The following SETD2 variants were observed in gnomAD, a reference collection of about 807,000 sequenced individuals.
The protein encoded by SETD2 is SET domain containing 2, histone lysine methyltransferase.
In SETD2, 31 loss-of-function variants were observed where a neutral mutation model predicts 242.1. That is an observed-to-expected ratio of 0.13 (90% CI 0.10 to 0.17). The LOEUF is 0.17. Among genes scored for constraint, SETD2 ranks in the 10% least tolerant of loss-of-function variants. The pLI is 1.00. For synonymous variants in SETD2, 1,006 were observed against 1,066.5 expected, an observed-to-expected ratio of 0.94 and a Z score of 1.11; for missense variants, 2,481 against 3,046.3, an observed-to-expected ratio of 0.81 and a Z score of 4.37.
At chr3:47,146,015 CAAA>C (rs1171574770) in intron 1 of SETD2, among the ~76,000 whole-genome samples, 2 of 38,676 alleles carry the variant, frequency 5.2e-5, no homozygotes, top group East Asian at 9.8e-4. Context: ...GACCCTGTCT[CAAA>C]AAAAAAAAAA....
intron 1 of SETD2, chr3:47,127,626 C>T (rs974479012): frequency 1.4e-5 from 6 of 415,964 alleles, no homozygotes; most frequent in African/African-American, 1.0e-4. Flanking sequence ...CTTTGGGAGG[C>T]CGAGGTGGGC....
chr3:47,039,309 G>T (rs955241325), intron 17 of SETD2, among the ~76,000 whole-genome samples: 1 of 151,844 alleles, frequency 6.6e-6, no homozygotes, highest in African/African-American at 2.4e-5. Context: ...CTGCCTCCTG[G>T]GTTCAAGTGA....
intron 11 of SETD2, among the ~76,000 whole-genome samples, chr3:47,085,340 A>C (rs1194296262): frequency 2.0e-5 from 3 of 152,216 alleles, no homozygotes; most frequent in Non-Finnish European, 4.4e-5. Flanking sequence ...TGTGATATAC[A>C]CTTAGCAGCT....
In SETD2 at chr3:47,122,305, T is replaced by A. The variant is rs1433046877; in HGVS notation, c.2331A>T (p.Glu777Asp). Residue 777 changes from glutamate to aspartate, a missense_variant, in exon 3 of 21, where the codon GAA becomes GAT. Physicochemically the swap from Glu to Asp is conservative, Grantham distance 45. Coordinates refer to ENST00000409792, the MANE Select transcript of SETD2 (RefSeq NM_014159.7). ...AGCAAGAAACCCTCGTATCAACTGG[T>A]TCTTTAACTACTGTTTTGGAATAAT... ...TVDYSKTVVK[E>D]PVDTRVSCCK... is the part of the protein sequence containing the mutation. 6.2e-7 allele frequency: 1 copy of A among 1,614,196 alleles called. No individual in the cohort carries two copies. The highest frequency in any genetic ancestry group is 8.5e-7 in the Non-Finnish European group (1 of 1,180,012).
chr3:47,028,221 T>C (rs1213914706), intron 18 of SETD2, among the ~76,000 whole-genome samples: 1 of 152,162 alleles, frequency 6.6e-6, no homozygotes, highest in African/African-American at 2.4e-5. Context: ...GTAAGCCCTA[T>C]GATTACCTTG....
rs2039327617 is a variant in SETD2, at chr3:47,042,504, G to A, written c.7238+57C>T. 8 of 1,582,080 alleles carry A rather than the reference G, an allele frequency of 5.1e-6. No homozygotes were observed. In the Admixed American group the frequency reaches 1.0e-4, roughly 20 times the overall value. On this transcript the variant is annotated intron_variant, in intron 17 of 20. Coordinates refer to ENST00000409792, the MANE Select transcript of SETD2 (RefSeq NM_014159.7). The stretch of plus-strand genomic sequence containing the variant: ...CAACTGTAAAACTCCCCTTATAGTG[G>A]CAACTTCTTTGATTAAGTAAAAGCA...
intron 1 of SETD2, among the ~76,000 whole-genome samples, chr3:47,139,462 A>G (rs1224496961): frequency 6.6e-6 from 1 of 152,204 alleles, no homozygotes; most frequent in Non-Finnish European, 1.5e-5. Flanking sequence ...TTTAAATTTC[A>G]AAGAGACAAA....
At chr3:47,156,069 C>T (rs930926399) in intron 1 of SETD2, among the ~76,000 whole-genome samples, 1 of 152,084 alleles carries the variant, frequency 6.6e-6, no homozygotes, top group African/African-American at 2.4e-5. Context: ...AGCCTCTTAA[C>T]CAGGATAGGT....
chr3:47,155,987 G>A (rs974281046), intron 1 of SETD2, among the ~76,000 whole-genome samples: 2 of 152,054 alleles, frequency 1.3e-5, no homozygotes, highest in Non-Finnish European at 2.9e-5. Context: ...CGGTACTCTT[G>A]GAAGAATTAA....
At chr3:47,105,953 A>G in intron 6 of SETD2, 44 bp downstream of exon 6, 2 of 1,585,098 alleles carry the variant, frequency 1.3e-6, no homozygotes, top group Non-Finnish European at 1.7e-6. Context: ...GCTCCTTCAA[A>G]CCTAACAGAT....
At chr3:47,125,377 C>A (rs553966316) in intron 2 of SETD2, among the ~76,000 whole-genome samples, 103 of 151,706 alleles carry the variant, frequency 6.8e-4, no homozygotes, top group African/African-American at 2.4e-3. Context: ...GATCCACACT[C>A]TAGGAAATAT....
chr3:47,074,213 C>T (rs984966446), intron 12 of SETD2, among the ~76,000 whole-genome samples: 5 of 151,926 alleles, frequency 3.3e-5, no homozygotes, highest in African/African-American at 1.2e-4. Flanking sequence ...AATAATGCTG[C>T]CAATTTTATT....
At chr3:47,041,526 T>A in intron 17 of SETD2, 1 of 264,024 alleles carries the variant, frequency 3.8e-6, no homozygotes, top group Non-Finnish European at 7.6e-6. Context: ...AAAAATTCCA[T>A]AGTTCTATGT....
rs781353443 is a variant in SETD2, at chr3:47,021,619, T to TAC, written c.7351-1781_7351-1780dup. Among the ~76,000 whole-genome samples, 10 of 152,146 alleles carry TAC rather than the reference T, an allele frequency of 6.6e-5. 1 individual carries two copies. The highest frequency in any genetic ancestry group is 1.5e-4 in the Non-Finnish European group (10 of 68,026). ...TGATAAAATGAGGGGTCCCCAGACT[T>TAC]ACATCATGGAAATCATGAACCAAAA... On this transcript the variant is annotated intron_variant, in intron 18 of 20. Transcript: ENST00000409792.
Position 47,017,388 on chromosome 3 carries a change from A to AG in SETD2, c.7534-135dup. 1 of 953,258 alleles carries AG rather than the reference A, an allele frequency of 1.0e-6. No individual in the cohort carries two copies. Among genetic ancestry groups the AG allele is most frequent in the Non-Finnish European group, 1.6e-6 (1 of 643,840 alleles). The allele number at this position is 953,258 out of a possible 1,614,324, so 59.0% of individuals were successfully genotyped here. ...CAAGACAGGAAGTTAATAAGGGGGT[A>AG]GATGTTGGGGCAGGCTGGTGCTATG... On this transcript the variant is annotated intron_variant, in intron 20 of 20. Coordinates refer to ENST00000409792, the MANE Select transcript of SETD2 (RefSeq NM_014159.7). This position sits in a 1 kb window ranked among gnomAD's most constrained non-coding sequence, Gnocchi z 4.8.
intron 1 of SETD2, among the ~76,000 whole-genome samples, chr3:47,129,898 AAG>A (rs1345633619): frequency 6.6e-6 from 1 of 152,022 alleles, no homozygotes; most frequent in Non-Finnish European, 1.5e-5. Flanking sequence ...AAAAAGAAAA[AAG>A]AAAAGAAAAA....
At chr3:47,068,754 C>T (rs1423189414) in intron 12 of SETD2, among the ~76,000 whole-genome samples, 2 of 152,122 alleles carry the variant, frequency 1.3e-5, no homozygotes, top group Non-Finnish European at 2.9e-5. Flanking sequence ...CCTGGCCTCC[C>T]AAAGTGCTAG....
At chr3:47,101,408 C>A (rs1049533223) in intron 8 of SETD2, 50 bp downstream of exon 8, 1 of 927,968 alleles carries the variant, frequency 1.1e-6, no homozygotes, top group East Asian at 2.5e-5. Context: ...TATATCTGAA[C>A]AGCCTATTTC....
At chr3:47,108,324 A>C (rs2042519638) in intron 5 of SETD2, among the ~76,000 whole-genome samples, 1 of 152,126 alleles carries the variant, frequency 6.6e-6, no homozygotes, top group African/African-American at 2.4e-5. Context: ...TACTCATTTA[A>C]GGCTTGATTA....
Sources: allele counts gnomAD v4.1 joint callset (sites outside exome capture counted in the v4.1 genomes callset), GRCh38; gene constraint gnomAD v4.1.1; non-coding constraint Gnocchi (gnomAD v3.1); transcripts MANE v1.5; gene names NCBI Gene and HGNC (gene_info 2026-07-23, HGNC 2026-07-21).